Variants in DNAJC1 observed in about 807,000 individuals in gnomAD.
DNAJC1 encodes dnaJ homolog subfamily C member 1.
Under a neutral mutation model 76.6 loss-of-function variants are expected in DNAJC1, and 58 were observed. The ratio of observed to expected loss-of-function variants is 0.76; its 90% CI spans 0.61 to 0.94. DNAJC1 has a LOEUF of 0.94. Ranked by LOEUF, DNAJC1 falls within the 40% of genes least tolerant of loss-of-function variation. DNAJC1 has a pLI of 0.00. For missense variants in DNAJC1, 689 were observed against 677.3 expected (o/e 1.02, Z -0.19); for synonymous variants, 258 against 267.9 (o/e 0.96, Z 0.36).
intron 8 of DNAJC1, among the ~76,000 whole-genome samples, chr10:21,835,202 T>C (rs973222624): frequency 6.6e-6 from 1 of 152,182 alleles, no homozygotes; most frequent in African/African-American, 2.4e-5. Flanking sequence ...CCGCTGCTGA[T>C]ACCCAGGCAA....
At chr10:21,875,224 G>A (rs977876501) in intron 8 of DNAJC1, among the ~76,000 whole-genome samples, 1 of 152,068 alleles carries the variant, frequency 6.6e-6, no homozygotes, top group South Asian at 2.1e-4. Flanking sequence ...GATGTGATCA[G>A]AGCTCATTGC....
chr10:21,922,494 G>A (rs998651753), intron 3 of DNAJC1, among the ~76,000 whole-genome samples: 1 of 151,942 alleles, frequency 6.6e-6, no homozygotes, highest in Non-Finnish European at 1.5e-5. Flanking sequence ...ACAAAGTAAT[G>A]TATGGTTTGG....
At chr10:21,870,414 C>T (rs1019951455) in intron 8 of DNAJC1, among the ~76,000 whole-genome samples, 3 of 152,028 alleles carry the variant, frequency 2.0e-5, no homozygotes, top group Non-Finnish European at 2.9e-5. Context: ...ACTATATAAT[C>T]GACTTTTTCT....
chr10:21,875,748 A>T (rs1836177188), intron 8 of DNAJC1, among the ~76,000 whole-genome samples: 1 of 152,166 alleles, frequency 6.6e-6, no homozygotes, highest in South Asian at 2.1e-4. Context: ...AACATGACGA[A>T]ACCCCATCTC....
chr10:21,924,347 T>C (rs1011649723), intron 3 of DNAJC1, among the ~76,000 whole-genome samples: 19 of 152,186 alleles, frequency 1.2e-4, no homozygotes, highest in Non-Finnish European at 2.6e-4. Flanking sequence ...AAATGAAACG[T>C]TATTTAGTAA....
At position 21,929,800 on chromosome 10, in the gene DNAJC1, T is replaced by C. The variant is rs935926201; in HGVS notation, c.223-659A>G. On this transcript the variant is annotated intron_variant, in intron 1 of 11. Transcript: ENST00000376980. ...TACAAATAAATTTGCCCAATATTTATGTATTACTTGTATAGTTTAAATATA... is the reference window on the plus strand; with the variant it reads ...TACAAATAAATTTGCCCAATATTTACGTATTACTTGTATAGTTTAAATATA... Among the ~76,000 whole-genome samples, 5 of 152,248 alleles carry C rather than the reference T, an allele frequency of 3.3e-5. No individual in the cohort carries two copies. The East Asian group carries it at 9.6e-4, about 29-fold the overall frequency.
intron 8 of DNAJC1, among the ~76,000 whole-genome samples, chr10:21,822,237 G>A (rs753019677): frequency 2.4e-4 from 37 of 151,952 alleles, no homozygotes; most frequent in Admixed American, 2.2e-3. Context: ...TCAGGAGTTC[G>A]CGACCAGCCT....
chr10:21,910,979 G>A (rs1203555064), intron 6 of DNAJC1, among the ~76,000 whole-genome samples: 2 of 149,032 alleles, frequency 1.3e-5, no homozygotes, highest in Non-Finnish European at 3.0e-5. Context: ...AGGGGGGGAA[G>A]AGAGAAAGAG....
intron 10 of DNAJC1, 64 bp from the exon 11 acceptor site, chr10:21,759,682 A>C: frequency 6.6e-7 from 1 of 1,513,622 alleles, no homozygotes; most frequent in African/African-American, 1.4e-5. Flanking sequence ...CGGTGAGAAC[A>C]GCAGCTGCCG....
At position 22,003,681 on chromosome 10, in the gene DNAJC1, A is replaced by C. The variant is rs1257688358; in HGVS notation, c.-247T>G. 2.5e-6 allele frequency: 1 copy of C among 395,510 alleles called. No homozygotes were observed. Among genetic ancestry groups the C allele is most frequent in the African/African-American group, 2.1e-5 (1 of 47,512 alleles). The allele number at this position is 395,510 out of a possible 1,614,324, so 24.5% of individuals were successfully genotyped here. ...CTACGTTCCGAAGACCCTCGCCCCCAGGCCTACACACAGCTGTAGAGGCAG... is the reference window on the plus strand; with the variant it reads ...CTACGTTCCGAAGACCCTCGCCCCCCGGCCTACACACAGCTGTAGAGGCAG... On this transcript the variant is annotated 5_prime_UTR_variant, in exon 1 of 12. Transcript: ENST00000376980.
chr10:21,981,629 T>A (rs551531339), intron 1 of DNAJC1, among the ~76,000 whole-genome samples: 1 of 152,274 alleles, frequency 6.6e-6, no homozygotes, highest in South Asian at 2.1e-4. Context: ...AAAAAATGCC[T>A]TACTAAGTAG....
intron 10 of DNAJC1, among the ~76,000 whole-genome samples, chr10:21,764,705 T>C (rs1184087142): frequency 6.6e-6 from 1 of 152,250 alleles, no homozygotes; most frequent in Non-Finnish European, 1.5e-5. Context: ...AGAAATACTT[T>C]TATTTCAAAA....
At chr10:21,829,671 T>A (rs1589999772) in intron 8 of DNAJC1, among the ~76,000 whole-genome samples, 1 of 152,242 alleles carries the variant, frequency 6.6e-6, no homozygotes, top group African/African-American at 2.4e-5. Flanking sequence ...ACTTTCAACC[T>A]TTCAGTGACA....
At chr10:21,984,919 A>C (rs1298481264) in intron 1 of DNAJC1, among the ~76,000 whole-genome samples, 2 of 152,222 alleles carry the variant, frequency 1.3e-5, no homozygotes, top group African/African-American at 4.8e-5. Context: ...GTATGTATGA[A>C]GAGGCCAAAG....
intron 7 of DNAJC1, among the ~76,000 whole-genome samples, chr10:21,903,372 A>G (rs975018996): frequency 3.9e-5 from 6 of 152,210 alleles, no homozygotes; most frequent in African/African-American, 1.4e-4. Context: ...TTTAACACAT[A>G]TGTCAACCTT....
chr10:21,803,399 A>C (rs773097796), intron 9 of DNAJC1, among the ~76,000 whole-genome samples: 2 of 152,138 alleles, frequency 1.3e-5, no homozygotes, highest in African/African-American at 2.4e-5. Context: ...TAATGAAAAC[A>C]AATCTAATTA....
At chr10:21,832,912 T>G (rs1045300918) in intron 8 of DNAJC1, among the ~76,000 whole-genome samples, 3 of 152,238 alleles carry the variant, frequency 2.0e-5, no homozygotes, top group African/African-American at 7.2e-5. Flanking sequence ...TTGACCCAGC[T>G]AAACTAAATT....
At chr10:21,920,763 G>A (rs1330762292) in intron 4 of DNAJC1, 35 bp downstream of exon 4, 2 of 1,533,786 alleles carry the variant, frequency 1.3e-6, no homozygotes, top group Admixed American at 2.1e-5. Flanking sequence ...TAAAATTAAG[G>A]AGGCTAGTTC....
chr10:21,789,791 C>T (rs1029525593), intron 9 of DNAJC1, among the ~76,000 whole-genome samples: 11 of 152,050 alleles, frequency 7.2e-5, no homozygotes, highest in African/African-American at 2.7e-4. Context: ...GGGTGGATCA[C>T]ATGAAGCCAG....
Sources: allele counts gnomAD v4.1 joint callset (sites outside exome capture counted in the v4.1 genomes callset), GRCh38; gene constraint gnomAD v4.1.1; transcripts MANE v1.5; gene names NCBI Gene and HGNC (gene_info 2026-07-23, HGNC 2026-07-21).